The following KLHL21 variants were observed in gnomAD, a reference collection of about 807,000 sequenced individuals.
The protein encoded by KLHL21 is kelch-like protein 21.
Under a neutral mutation model 44.1 loss-of-function variants are expected in KLHL21, and 42 were observed. The observed-to-expected ratio is 0.95, with a 90% confidence interval of 0.74 to 1.23. KLHL21 has a LOEUF of 1.23. Ranked by LOEUF, KLHL21 falls within the 50% of genes most tolerant of loss-of-function variation. The probability of loss-of-function intolerance (pLI) is 0.00; values close to 1 mark genes in which losing one functional copy is unlikely to be tolerated. For missense variants in KLHL21, 918 were observed against 889.1 expected, an observed-to-expected ratio of 1.03 and a Z score of -0.41; for synonymous variants, 524 against 411.6, an observed-to-expected ratio of 1.27 and a Z score of -3.31.
rs41310353 is a variant in KLHL21, at chr1:6,591,199, T to C, written c.*2166A>G. The C allele has an allele frequency of 0.027, 10,705 of 391,888 alleles. 189 individuals are homozygous for C. The highest frequency in any genetic ancestry group is 0.043 in the African/African-American group (2,092 of 48,630). 24.3% of individuals were successfully genotyped at this position (391,888 alleles called of 1,614,324 possible). A position where few individuals can be genotyped will look rare whatever the true frequency, so the allele number is the denominator to read the frequency against. On this transcript the variant is annotated 3_prime_UTR_variant, in exon 4 of 4. Coordinates refer to ENST00000377658, the MANE Select transcript of KLHL21 (RefSeq NM_014851.4). ...ATTGCTGCAGAGGCTGGTGCCTGGT[T>C]TTCCCCATACTTGGTCTTCTAAACC...
intron 1 of KLHL21, 80 bp from the exon 2 acceptor site, chr1:6,599,532 G>A: frequency 1.4e-6 from 2 of 1,418,886 alleles, no homozygotes; most frequent in Non-Finnish European, 9.5e-7. Context: ...TTCCGCAAGG[G>A]CCTCTGCCTT....
rs5772242 is a variant in KLHL21, at chr1:6,591,390, CA to C, written c.*1974del. The C allele has an allele frequency of 0.31, 57,072 of 183,636 alleles. 9,368 individuals carry two copies. Among genetic ancestry groups the C allele is most frequent in the Non-Finnish European group, 0.35 (30,992 of 88,880 alleles). The allele number at this position is 183,636 out of a possible 1,614,324, so 11.4% of individuals were successfully genotyped here. On this transcript the variant is annotated 3_prime_UTR_variant, in exon 4 of 4. Coordinates refer to ENST00000377658, the MANE Select transcript of KLHL21 (RefSeq NM_014851.4). Reference sequence around the variant, plus strand: ...GCAGCTGCCAACCACAGCAAAGCCGCAAAAAAGACTGAGAAAACAGGAACCC... The same window carrying C: ...GCAGCTGCCAACCACAGCAAAGCCGCAAAAAGACTGAGAAAACAGGAACCC...
At chr1:6,599,827 G>T (rs1369110781) in intron 1 of KLHL21, 2 of 214,122 alleles carry the variant, frequency 9.3e-6, no homozygotes, top group East Asian at 2.2e-4. Flanking sequence ...GGCACACAGG[G>T]ACTTGCTCAC....
At chr1:6,600,004 G>C (rs982947950) in intron 1 of KLHL21, among the ~76,000 whole-genome samples, 6 of 152,108 alleles carry the variant, frequency 3.9e-5, no homozygotes. Context: ...AATCCACGAA[G>C]CTGTGTAAGT....
chr1:6,598,933 G>T, intron 2 of KLHL21, 114 bp downstream of exon 2: 3 of 1,105,050 alleles, frequency 2.7e-6, no homozygotes, highest in Non-Finnish European at 3.8e-6. Flanking sequence ...TCCAACCCCA[G>T]CTAGGCCTCA....
intron 1 of KLHL21, among the ~76,000 whole-genome samples, chr1:6,599,969 T>C (rs1381115322): frequency 1.3e-5 from 2 of 152,216 alleles, no homozygotes; most frequent in Non-Finnish European, 2.9e-5. Context: ...TGGTGCAGGT[T>C]ACAAAGCTGT....
rs550410842 is a variant in KLHL21, at chr1:6,602,334, G to A, written c.484C>T (p.Leu162=). ...GCGCCCAGCTCGCCCACGTGGCGCA[G>A]AATGAACCGCTGCGCCGCGCTCGCC... is the stretch of plus-strand genomic sequence containing the variant. ...GLASAAQRFI[L]RHVGELGAEQ... is the part of the protein sequence containing the mutation. Residue 162 remains leucine (L), a synonymous_variant, in exon 1 of 4, where the codon CTG becomes TTG. Transcript: ENST00000377658. The A allele has an allele frequency of 6.4e-7, 1 of 1,557,968 alleles. No individual in the cohort carries two copies. The highest frequency in any genetic ancestry group is 8.6e-7 in the Non-Finnish European group (1 of 1,157,588).
At chr1:6,597,481 G>A (rs907244385) in intron 2 of KLHL21, among the ~76,000 whole-genome samples, 1 of 152,210 alleles carries the variant, frequency 6.6e-6, no homozygotes. Flanking sequence ...CCGGGCAAAG[G>A]GTCAGATGAT....
intron 3 of KLHL21, chr1:6,594,129 G>A (rs1346408915): frequency 2.1e-6 from 2 of 973,984 alleles, no homozygotes; most frequent in Non-Finnish European, 2.4e-6. Flanking sequence ...AAAACAGAAC[G>A]CTGGGTCTCT....
Position 6,602,520 on chromosome 1 carries a change from C to T in KLHL21, c.298G>A (p.Ala100Thr), listed in dbSNP as rs1414151385. Reference protein sequence around the residue: ...LLDFSYTGRVAVSGDNAEPLL... With the variant: ...LLDFSYTGRVTVSGDNAEPLL... ...GGCTCAGCGTTGTCGCCGCTTACCG[C>T]CACGCGGCCCGTGTAGCTGAAGTCC... Residue 100 changes from alanine to threonine, a missense_variant, in exon 1 of 4, where the codon GCG becomes ACG. Transcript: ENST00000377658. The T allele has an allele frequency of 6.5e-7, 1 of 1,542,010 alleles. No individual in the cohort carries two copies. Among genetic ancestry groups the T allele is most frequent in the African/African-American group, 1.4e-5 (1 of 73,312 alleles).
chr1:6,593,588 A>G lies in KLHL21; in HGVS notation c.1571T>C (p.Phe524Ser). The change falls in exon 4 of 4, where the codon TTT (phenylalanine) becomes TCT (serine). Residue 524 changes from phenylalanine to serine, a missense_variant. Physicochemically the swap from Phe to Ser is radical, Grantham distance 155. Transcript: ENST00000377658. Reference protein sequence around the residue: ...LYVSGGYDNTFELSDVVEAYD... With the variant: ...LYVSGGYDNTSELSDVVEAYD... ...GGCCTCTACCACGTCCGAGAGTTCAAATGTATTGTCGTATCCCCCAGAGAC... is the reference window on the plus strand; with the variant it reads ...GGCCTCTACCACGTCCGAGAGTTCAGATGTATTGTCGTATCCCCCAGAGAC... 3 of 1,613,668 alleles carry G rather than the reference A, an allele frequency of 1.9e-6. No individual in the cohort carries two copies. The highest frequency in any genetic ancestry group is 2.5e-6 in the Non-Finnish European group (3 of 1,179,778).
In KLHL21 at chr1:6,602,653, G is replaced by A. The variant is rs1363479064; in HGVS notation, c.165C>T (p.Ala55=). The A allele has an allele frequency of 1.3e-6, 2 of 1,516,078 alleles. No individual in the cohort carries two copies. Among genetic ancestry groups the A allele is most frequent in the African/African-American group, 1.4e-5 (1 of 70,420 alleles). 93.9% of individuals were successfully genotyped at this position (1,516,078 alleles called of 1,614,324 possible). The change falls in exon 1 of 4, where the codon GCC becomes GCT. Residue 55 remains alanine, a synonymous_variant. Transcript: ENST00000377658. The part of the protein sequence containing the change: ...RDFPAHRAVL[A]AASPYFRAMF... Reference sequence around the variant, plus strand: ...TGGCGCGGAAGTAGGGGCTGGCGGCGGCCAGCACCGCACGGTGCGCCGGGA... The same window carrying A: ...TGGCGCGGAAGTAGGGGCTGGCGGCAGCCAGCACCGCACGGTGCGCCGGGA...
Position 6,590,794 on chromosome 1 carries a change from G to C in KLHL21, c.*2571C>G, listed in dbSNP as rs1195374934. ...AAACCTTAAGCAGGATTCTGGACATGGAAGCCTACAGAATAGACAAAAATA... is the reference window on the plus strand; with the variant it reads ...AAACCTTAAGCAGGATTCTGGACATCGAAGCCTACAGAATAGACAAAAATA... On this transcript the variant is annotated 3_prime_UTR_variant, in exon 4 of 4. Coordinates refer to ENST00000377658, the MANE Select transcript of KLHL21 (RefSeq NM_014851.4). The C allele has an allele frequency of 2.5e-6, 1 of 396,624 alleles. No homozygotes were observed. The highest frequency in any genetic ancestry group is 3.6e-5 in the East Asian group (1 of 28,028). The allele number at this position is 396,624 out of a possible 1,614,324, so 24.6% of individuals were successfully genotyped here.
At chr1:6,601,264 C>T (rs934536193) in intron 1 of KLHL21, among the ~76,000 whole-genome samples, 9 of 152,180 alleles carry the variant, frequency 5.9e-5, no homozygotes, top group African/African-American at 2.2e-4. Flanking sequence ...TGTTTACAGG[C>T]TCCGGGGAGT....
At position 6,597,254 on chromosome 1, in the gene KLHL21, C is replaced by G. The variant is rs72634780; in HGVS notation, c.1428-1697G>C. Among the ~76,000 whole-genome samples the G allele has an allele frequency of 6.8e-3, 1,035 of 152,270 alleles. 7 individuals are homozygous for G. Among genetic ancestry groups the G allele is most frequent in the Non-Finnish European group, 9.0e-3 (612 of 68,010 alleles). On this transcript the variant is annotated intron_variant, in intron 2 of 3. Coordinates refer to ENST00000377658, the MANE Select transcript of KLHL21 (RefSeq NM_014851.4). ...TGGCGGGGCAGACCCTCATGCTTCC[C>G]TATGGGAAGGTTAACCCAGCAGGCA... is the stretch of plus-strand genomic sequence containing the variant.
chr1:6,599,583 C>G, intron 1 of KLHL21, 131 bp from the exon 2 acceptor site: 2 of 961,546 alleles, frequency 2.1e-6, no homozygotes, highest in Non-Finnish European at 3.0e-6. Flanking sequence ...CAGACGCACA[C>G]CCTCTCCCCA....
Position 6,593,367 on chromosome 1 carries a change from A to G in KLHL21, c.1792T>C (p.Ter598GlnextTer138). Residue 598 changes from the stop codon to glutamine, a stop_lost, in exon 4 of 4, where the codon TAG becomes CAG. Transcript: ENST00000377658. ...RPPRDPDELH* is the reference protein window; with the variant it reads ...RPPRDPDELHQ ...GCCCGTGCCGGGCCAGACTGGGGCT[A>G]GTGCAGCTCATCGGGGTCCCGCGGC... 6.3e-7 allele frequency: 1 copy of G among 1,586,358 alleles called. No homozygotes were observed. Among genetic ancestry groups the G allele is most frequent in the Non-Finnish European group, 8.6e-7 (1 of 1,166,802 alleles).
chr1:6,599,059 A>G lies in KLHL21; in HGVS notation c.1415T>C (p.Met472Thr), dbSNP rs1181654528. ...APKTATLNGL[M>T]YFVRDDSAEV... Reference sequence around the variant, plus strand: ...ACCTGGAACTCACCTGACAAAGTACATGAGTCCGTTTAGAGTCGCAGTCTT... The same window carrying G: ...ACCTGGAACTCACCTGACAAAGTACGTGAGTCCGTTTAGAGTCGCAGTCTT... The change falls in exon 2 of 4, where the codon ATG (methionine) becomes ACG (threonine). Residue 472 changes from methionine (M) to threonine (T), a missense_variant. Coordinates refer to ENST00000377658, the MANE Select transcript of KLHL21 (RefSeq NM_014851.4). The G allele has an allele frequency of 6.3e-7, 1 of 1,588,998 alleles. No homozygotes were observed. Among genetic ancestry groups the G allele is most frequent in the Non-Finnish European group, 8.6e-7 (1 of 1,166,416 alleles).
chr1:6,594,892 T>C (rs1354866842), intron 3 of KLHL21: 2 of 153,984 alleles, frequency 1.3e-5, no homozygotes, highest in Non-Finnish European at 2.9e-5. Flanking sequence ...TCCTTTTGTA[T>C]CTACATATGA....
Sources: allele counts gnomAD v4.1 joint callset (sites outside exome capture counted in the v4.1 genomes callset), GRCh38; gene constraint gnomAD v4.1.1; transcripts MANE v1.5; gene names NCBI Gene and HGNC (gene_info 2026-07-23, HGNC 2026-07-21).